The following PLPPR5 variants were observed in gnomAD, a reference collection of about 807,000 sequenced individuals.
The protein encoded by PLPPR5 is phospholipid phosphatase related 5.
A neutral mutation model predicts 33.9 loss-of-function variants in PLPPR5; 16 were observed. That is an observed-to-expected ratio of 0.47 (90% CI 0.32 to 0.72). The LOEUF is 0.72. Among genes scored for constraint, PLPPR5 ranks in the 30% least tolerant of loss-of-function variants. The pLI is 0.03. For synonymous variants in PLPPR5, 163 were observed against 150.3 expected (o/e 1.08, Z -0.62); for missense variants, 301 against 406.7 (o/e 0.74, Z 2.23).
chr1:98,942,210 T>C (rs1445939200), intron 3 of PLPPR5, among the ~76,000 whole-genome samples: 4 of 152,084 alleles, frequency 2.6e-5, no homozygotes. Flanking sequence ...TAGCTAGAAT[T>C]ACAGACATGC....
intron 5 of PLPPR5, among the ~76,000 whole-genome samples, chr1:98,893,506 G>C (rs1360115505): frequency 6.6e-6 from 1 of 151,744 alleles, no homozygotes; most frequent in African/African-American, 2.4e-5. Flanking sequence ...GACTAAAATG[G>C]CATTTGCTAG....
chr1:98,921,759 A>T, intron 4 of PLPPR5, 123 bp downstream of exon 4: 1 of 752,242 alleles, frequency 1.3e-6, no homozygotes, highest in Non-Finnish European at 2.1e-6. Context: ...TTATATACTT[A>T]AATGAATGAT....
At chr1:98,982,498 A>C (rs1226877883) in intron 1 of PLPPR5, among the ~76,000 whole-genome samples, 2 of 152,082 alleles carry the variant, frequency 1.3e-5, no homozygotes, top group Non-Finnish European at 2.9e-5. Flanking sequence ...ACCTTTATAC[A>C]GAAAGTAGCT....
At chr1:98,914,119 A>G (rs559167305) in intron 5 of PLPPR5, among the ~76,000 whole-genome samples, 1 of 152,340 alleles carries the variant, frequency 6.6e-6, no homozygotes, top group South Asian at 2.1e-4. Flanking sequence ...GGAGCATGGA[A>G]GATGTGGAAT....
intron 1 of PLPPR5, among the ~76,000 whole-genome samples, chr1:98,968,656 G>T (rs1170279849): frequency 6.6e-6 from 1 of 151,842 alleles, no homozygotes; most frequent in Non-Finnish European, 1.5e-5. Context: ...ACTTGGCACT[G>T]TATGCCTGTA....
At position 98,891,984 on chromosome 1, in the gene PLPPR5, T is replaced by C. The variant is rs1459882858; in HGVS notation, c.*1088A>G. 2 of 152,114 alleles carry C rather than the reference T, an allele frequency of 1.3e-5. No individual in the cohort carries two copies. The highest frequency in any genetic ancestry group is 6.6e-5 in the Admixed American group (1 of 15,234). 9.4% of individuals were successfully genotyped at this position (152,114 alleles called of 1,614,324 possible). ...ATTTACCCTGTCTTGGCTTCATTTT[T>C]CTTATCTATAAAAATAAAGCCATAC... On this transcript the variant is annotated 3_prime_UTR_variant, in exon 6 of 6. Coordinates refer to ENST00000263177, the MANE Select transcript of PLPPR5 (RefSeq NM_001037317.2).
chr1:98,940,422 C>A (rs184968668), intron 3 of PLPPR5, among the ~76,000 whole-genome samples: 31 of 151,992 alleles, frequency 2.0e-4, no homozygotes, highest in Non-Finnish European at 4.3e-4. Context: ...AATATTATCA[C>A]TTAGGGGTTA....
At chr1:98,914,987 G>A in intron 4 of PLPPR5, 67 bp from the exon 5 acceptor site, 1 of 1,487,552 alleles carries the variant, frequency 6.7e-7, no homozygotes, top group Non-Finnish European at 9.1e-7. Context: ...GCCTTTTGAG[G>A]AGCTTAATAA....
chr1:98,893,459 G>A (rs1194776353), intron 5 of PLPPR5, among the ~76,000 whole-genome samples: 1 of 151,922 alleles, frequency 6.6e-6, no homozygotes, highest in South Asian at 2.1e-4. Context: ...TGCTCCCTGA[G>A]AGACAGATGG....
chr1:98,990,329 A>T (rs956518108), intron 1 of PLPPR5, among the ~76,000 whole-genome samples: 2 of 152,300 alleles, frequency 1.3e-5, no homozygotes, highest in African/African-American at 4.8e-5. Context: ...AGATCGCGCC[A>T]CTATACTTCC....
intron 1 of PLPPR5, among the ~76,000 whole-genome samples, chr1:98,995,774 T>C (rs988494966): frequency 2.6e-5 from 4 of 152,248 alleles, no homozygotes; most frequent in East Asian, 1.9e-4. Flanking sequence ...GAATGGAATA[T>C]GTAAACTGTT....
chr1:98,996,843 T>C (rs531786257), intron 1 of PLPPR5, among the ~76,000 whole-genome samples: 50 of 152,278 alleles, frequency 3.3e-4, no homozygotes, highest in African/African-American at 1.2e-3. Context: ...TAAGAACATA[T>C]TGATGTATAC....
At chr1:98,926,184 G>C (rs1649756652) in intron 3 of PLPPR5, among the ~76,000 whole-genome samples, 1 of 152,072 alleles carries the variant, frequency 6.6e-6, no homozygotes, top group Non-Finnish European at 1.5e-5. Flanking sequence ...TCAGTGGCCA[G>C]ATCCCTCAGC....
intron 5 of PLPPR5, among the ~76,000 whole-genome samples, chr1:98,902,288 G>A (rs1383832): frequency 0.63 from 96,213 of 151,786 alleles, 30,657 homozygotes; most frequent in East Asian, 0.76. Context: ...TGTGAATAAA[G>A]GCAATAAAAT....
intron 3 of PLPPR5, among the ~76,000 whole-genome samples, chr1:98,931,688 G>A (rs986443949): frequency 5.3e-5 from 8 of 152,116 alleles, no homozygotes; most frequent in African/African-American, 1.2e-4. Flanking sequence ...TGGAGGTTGT[G>A]TGGGTCGGGA....
At chr1:98,947,022 T>C (rs1650582207) in intron 3 of PLPPR5, among the ~76,000 whole-genome samples, 1 of 152,174 alleles carries the variant, frequency 6.6e-6, no homozygotes. Flanking sequence ...CCCTATCTTA[T>C]AATGTCCTAG....
At chr1:98,909,263 T>TCCCTCCCTTCCCCTCCCTTCCCCGCCTC in intron 5 of PLPPR5, among the ~76,000 whole-genome samples, 1 of 64,338 alleles carries the variant, frequency 1.6e-5, no homozygotes, top group Non-Finnish European at 2.9e-5. Context: ...CCCTTCCCCC[T>TCCCTCCCTTCCCCTCCCTTCCCCGCCTC]CCCTCCCTTC....
chr1:98,893,805 T>C (rs1421499616), intron 5 of PLPPR5, among the ~76,000 whole-genome samples: 2 of 152,042 alleles, frequency 1.3e-5, no homozygotes, highest in East Asian at 3.9e-4. Context: ...AGATCTAATA[T>C]GACTGACAAC....
chr1:98,996,832 G>GT (rs1411868851), intron 1 of PLPPR5, among the ~76,000 whole-genome samples: 1 of 152,056 alleles, frequency 6.6e-6, no homozygotes, highest in Non-Finnish European at 1.5e-5. Context: ...TGTGGATATT[G>GT]TAAGAACATA....
Sources: allele counts gnomAD v4.1 joint callset (sites outside exome capture counted in the v4.1 genomes callset), GRCh38; gene constraint gnomAD v4.1.1; transcripts MANE v1.5; gene names NCBI Gene and HGNC (gene_info 2026-07-23, HGNC 2026-07-21).